NELL1: variants seen among roughly 807,000 people sequenced by gnomAD.
NELL1 encodes protein kinase C-binding protein NELL1.
NELL1 carries 76 observed loss-of-function variants against 107.4 expected under a neutral mutation model. The ratio of observed to expected loss-of-function variants is 0.71; its 90% confidence interval spans 0.59 to 0.86. The LOEUF is 0.86. NELL1 is among the 40% of genes least tolerant of loss of function. NELL1 has a pLI of 0.00. For synonymous variants in NELL1, 353 were observed against 341.2 expected (o/e 1.03, Z -0.38); for missense variants, 1,024 against 1,005.5 (o/e 1.02, Z -0.25).
At chr11:20,778,362 A>T (rs1201865171) in intron 2 of NELL1, among the ~76,000 whole-genome samples, 1 of 152,152 alleles carries the variant, frequency 6.6e-6, no homozygotes, top group Non-Finnish European at 1.5e-5. Flanking sequence ...GCTTGTTGAC[A>T]ATGAAATTCA....
At chr11:21,252,633 A>G (rs1249378034) in intron 14 of NELL1, among the ~76,000 whole-genome samples, 1 of 152,142 alleles carries the variant, frequency 6.6e-6, no homozygotes, top group Non-Finnish European at 1.5e-5. Flanking sequence ...TCTGTAATGA[A>G]TTTATAATTG....
chr11:21,125,262 A>G (rs908201797), intron 13 of NELL1, among the ~76,000 whole-genome samples: 2 of 152,206 alleles, frequency 1.3e-5, no homozygotes, highest in African/African-American at 4.8e-5. Context: ...ATAGGAAAGC[A>G]ACCACTGAAT....
chr11:21,444,275 G>A (rs952848350), intron 15 of NELL1, among the ~76,000 whole-genome samples: 7 of 152,022 alleles, frequency 4.6e-5, no homozygotes, highest in African/African-American at 1.7e-4. Flanking sequence ...AAGAAGAACT[G>A]CCATGATCAA....
chr11:20,925,385 A>C (rs1218640636), intron 7 of NELL1, among the ~76,000 whole-genome samples: 1 of 149,916 alleles, frequency 6.7e-6, no homozygotes, highest in African/African-American at 2.5e-5. Flanking sequence ...GGTTCAAGAG[A>C]TTCTCATGTC....
At chr11:20,708,129 G>A (rs549289090) in intron 2 of NELL1, among the ~76,000 whole-genome samples, 2 of 152,224 alleles carry the variant, frequency 1.3e-5, no homozygotes, top group East Asian at 3.9e-4. Flanking sequence ...CTGTGTGGGC[G>A]TGGGACTCTC....
intron 13 of NELL1, among the ~76,000 whole-genome samples, chr11:21,153,081 C>T (rs1056187672): frequency 4.6e-5 from 7 of 152,072 alleles, no homozygotes; most frequent in Non-Finnish European, 8.8e-5. Flanking sequence ...CTGGTTGGGT[C>T]TTTTTATGTC....
chr11:21,334,496 T>C (rs1850341998), intron 14 of NELL1, among the ~76,000 whole-genome samples: 1 of 151,918 alleles, frequency 6.6e-6, no homozygotes, highest in Non-Finnish European at 1.5e-5. Context: ...TACCCCCACC[T>C]AAAGAATTTC....
chr11:20,943,209 A>G (rs942069959), intron 10 of NELL1, among the ~76,000 whole-genome samples: 30 of 152,214 alleles, frequency 2.0e-4, no homozygotes, highest in African/African-American at 7.2e-4. Flanking sequence ...ATAGTTATTT[A>G]CTAATTACTT....
chr11:20,942,642 A>G (rs1424462962), intron 10 of NELL1, among the ~76,000 whole-genome samples: 2 of 152,244 alleles, frequency 1.3e-5, no homozygotes, highest in East Asian at 1.9e-4. Context: ...TTGTTATTCC[A>G]TATGACCATA....
At chr11:21,077,937 A>G (rs1283203372) in intron 12 of NELL1, among the ~76,000 whole-genome samples, 1 of 152,168 alleles carries the variant, frequency 6.6e-6, no homozygotes, top group Non-Finnish European at 1.5e-5. Context: ...CAAATGAAAC[A>G]TACCAAAATA....
At position 21,371,177 on chromosome 11, in the gene NELL1, A is replaced by T. The variant is rs187031212; in HGVS notation, c.1645+229A>T. The stretch of plus-strand genomic sequence containing the variant: ...CCAACGATTTAATTTTAGCAAGGTC[A>T]AGTATTTTCTCTGCTATAGCTCAGT... On this transcript the variant is annotated intron_variant, in intron 15 of 19. Transcript: ENST00000357134. Among the ~76,000 whole-genome samples the T allele has an allele frequency of 3.3e-5, 5 of 152,228 alleles. No individual in the cohort carries two copies. In the East Asian group the frequency reaches 9.7e-4, roughly 29 times the overall value.
At chr11:21,517,513 T>C (rs941516331) in intron 15 of NELL1, among the ~76,000 whole-genome samples, 3 of 152,138 alleles carry the variant, frequency 2.0e-5, no homozygotes, top group Admixed American at 2.0e-4. Context: ...ATCACTCATT[T>C]AGATTGCTTG....
At chr11:21,142,187 G>A (rs1590674457) in intron 13 of NELL1, among the ~76,000 whole-genome samples, 1 of 152,110 alleles carries the variant, frequency 6.6e-6, no homozygotes, top group African/African-American at 2.4e-5. Context: ...CTACCAGCTG[G>A]GGGCGTCTGC....
chr11:20,692,858 G>C (rs191706585), intron 2 of NELL1, among the ~76,000 whole-genome samples: 1 of 152,040 alleles, frequency 6.6e-6, no homozygotes, highest in Non-Finnish European at 1.5e-5. Context: ...TTTCTGTCTC[G>C]TTGATCTGTC....
intron 13 of NELL1, among the ~76,000 whole-genome samples, chr11:21,216,133 G>C (rs913985509): frequency 3.3e-5 from 5 of 152,140 alleles, no homozygotes; most frequent in Admixed American, 1.3e-4. Context: ...CATTACTTCT[G>C]AGGGTGCAAG....
intron 12 of NELL1, among the ~76,000 whole-genome samples, chr11:20,970,478 A>G (rs1306311362): frequency 6.6e-6 from 1 of 152,224 alleles, no homozygotes; most frequent in Non-Finnish European, 1.5e-5. Context: ...GAAAATTACA[A>G]TAGGATTTGT....
intron 14 of NELL1, among the ~76,000 whole-genome samples, chr11:21,368,355 G>T (rs11026049): frequency 0.28 from 33,104 of 118,774 alleles, 4,234 homozygotes; most frequent in Non-Finnish European, 0.33. Flanking sequence ...TTAGGCATTG[G>T]TTTTTTTTTT....
intron 3 of NELL1, among the ~76,000 whole-genome samples, chr11:20,818,406 C>CTTTTTTTTT (rs57318040): frequency 2.8e-5 from 3 of 108,728 alleles, no homozygotes; most frequent in African/African-American, 3.3e-5. Flanking sequence ...GCAACCCCTG[C>CTTTTTTTTT]TTTTTTTTTT....
At chr11:21,488,826 CA>C (rs912765615) in intron 15 of NELL1, among the ~76,000 whole-genome samples, 93 of 149,286 alleles carry the variant, frequency 6.2e-4, no homozygotes, top group Middle Eastern at 3.4e-3. Context: ...ATGCCTACAT[CA>C]AAAAAAAAGA....
Sources: gnomAD v4.1 joint callset for allele counts (sites outside exome capture counted in the v4.1 genomes callset) on GRCh38, gnomAD v4.1.1 for gene constraint, MANE v1.5 for transcripts, NCBI Gene and HGNC (gene_info 2026-07-23, HGNC 2026-07-21) for gene names.